GRID2: variants seen among roughly 807,000 people sequenced by gnomAD.
GRID2 encodes the protein glutamate ionotropic receptor delta type subunit 2.
In GRID2, 33 loss-of-function variants were observed where a neutral mutation model predicts 114.8. The ratio of observed to expected loss-of-function variants is 0.29; its 90% confidence interval spans 0.22 to 0.38. The LOEUF is 0.38. GRID2 is among the 10% of genes least tolerant of loss of function. The probability of loss-of-function intolerance (pLI) is 1.00; values close to 1 mark genes in which losing one functional copy is unlikely to be tolerated. For synonymous variants in GRID2, 505 were observed against 449.9 expected, an observed-to-expected ratio of 1.12 and a Z score of -1.55; for missense variants, 1,184 against 1,257.7, an observed-to-expected ratio of 0.94 and a Z score of 0.89.
At chr4:92,788,136 A>G (rs1370645588) in intron 2 of GRID2, among the ~76,000 whole-genome samples, 2 of 151,738 alleles carry the variant, frequency 1.3e-5, no homozygotes, top group African/African-American at 4.8e-5. Flanking sequence ...ATTGATGGAG[A>G]AGAGGGGAGA....
intron 14 of GRID2, among the ~76,000 whole-genome samples, chr4:93,690,591 G>A (rs1168985137): frequency 1.3e-5 from 2 of 151,818 alleles, no homozygotes; most frequent in Admixed American, 6.6e-5. Flanking sequence ...GAGGAAAATA[G>A]TAAACAATTG....
intron 8 of GRID2, among the ~76,000 whole-genome samples, chr4:93,331,114 T>G (rs1476026008): frequency 6.6e-6 from 1 of 151,182 alleles, no homozygotes; most frequent in Non-Finnish European, 1.5e-5. Context: ...CCTCAGTGCC[T>G]GCTGCTATCT....
chr4:93,034,352 G>A (rs898235695), intron 2 of GRID2, among the ~76,000 whole-genome samples: 3 of 152,104 alleles, frequency 2.0e-5, no homozygotes, highest in Admixed American at 6.6e-5. Context: ...AACCTTGTAC[G>A]TCAGCACCTT....
At chr4:93,324,211 A>G (rs1334974745) in intron 8 of GRID2, among the ~76,000 whole-genome samples, 1 of 152,140 alleles carries the variant, frequency 6.6e-6, no homozygotes, top group African/African-American at 2.4e-5. Flanking sequence ...TATTATTTTT[A>G]TATACATCCC....
chr4:92,475,458 T>C (rs549195349), intron 1 of GRID2, among the ~76,000 whole-genome samples: 1 of 151,908 alleles, frequency 6.6e-6, no homozygotes, highest in Non-Finnish European at 1.5e-5. Flanking sequence ...TGTTGACATC[T>C]TGGTCAAAAA....
At chr4:92,971,994 A>G (rs1753547769) in intron 2 of GRID2, among the ~76,000 whole-genome samples, 1 of 152,126 alleles carries the variant, frequency 6.6e-6, no homozygotes, top group Non-Finnish European at 1.5e-5. Context: ...TGCTGCAATT[A>G]AAAGGGGGGT....
chr4:92,580,366 A>C (rs1218437160), intron 1 of GRID2, among the ~76,000 whole-genome samples: 5 of 151,424 alleles, frequency 3.3e-5, no homozygotes, highest in Non-Finnish European at 7.4e-5. Flanking sequence ...GTTCAGAGTT[A>C]ATAAATTATG....
chr4:93,206,897 A>C (rs1464090794), intron 4 of GRID2, among the ~76,000 whole-genome samples: 1 of 152,130 alleles, frequency 6.6e-6, no homozygotes, highest in African/African-American at 2.4e-5. Flanking sequence ...CGTTACAAAC[A>C]TTTTCAGGAG....
intron 1 of GRID2, among the ~76,000 whole-genome samples, chr4:92,517,506 G>A (rs1434102019): frequency 6.6e-6 from 1 of 151,890 alleles, no homozygotes; most frequent in Non-Finnish European, 1.5e-5. Context: ...GTGTGAATGT[G>A]TATGTTGTTA....
At chr4:92,781,211 A>C (rs1201270483) in intron 2 of GRID2, among the ~76,000 whole-genome samples, 1 of 152,098 alleles carries the variant, frequency 6.6e-6, no homozygotes, top group Admixed American at 6.6e-5. Context: ...ACACCACTGC[A>C]CTCCAGCCTG....
chr4:93,683,643 T>C (rs1253235352), intron 14 of GRID2, among the ~76,000 whole-genome samples: 2 of 152,160 alleles, frequency 1.3e-5, no homozygotes, highest in East Asian at 1.9e-4. Context: ...GCAATTAGCA[T>C]TCCAGTGTTT....
intron 1 of GRID2, among the ~76,000 whole-genome samples, chr4:92,421,982 G>C (rs1237578676): frequency 6.6e-6 from 1 of 152,106 alleles, no homozygotes; most frequent in African/African-American, 2.4e-5. Flanking sequence ...ATGTCAAGCA[G>C]TGGAAGTTCA....
chr4:93,341,265 T>A (rs1202896167), intron 8 of GRID2, among the ~76,000 whole-genome samples: 1 of 152,110 alleles, frequency 6.6e-6, no homozygotes, highest in Non-Finnish European at 1.5e-5. Context: ...ATTTTGCTTA[T>A]TTCTAAAACT....
chr4:92,864,283 A>T (rs1296256488), intron 2 of GRID2, among the ~76,000 whole-genome samples: 1 of 152,200 alleles, frequency 6.6e-6, no homozygotes, highest in African/African-American at 2.4e-5. Flanking sequence ...TGGGAAAAGA[A>T]GTTCTTTTGG....
chr4:92,354,906 A>G (rs1378106912), intron 1 of GRID2, among the ~76,000 whole-genome samples: 1 of 151,930 alleles, frequency 6.6e-6, no homozygotes, highest in African/African-American at 2.4e-5. Context: ...TTATTACGCT[A>G]TCATTTAGAA....
chr4:93,125,082 A>T (rs947188611), intron 4 of GRID2, among the ~76,000 whole-genome samples: 1 of 152,022 alleles, frequency 6.6e-6, no homozygotes, highest in African/African-American at 2.4e-5. Context: ...GAGTATAGCC[A>T]AGATACCTAA....
intron 2 of GRID2, among the ~76,000 whole-genome samples, chr4:92,940,575 A>G (rs1445044136): frequency 2.0e-5 from 3 of 152,084 alleles, no homozygotes; most frequent in Non-Finnish European, 4.4e-5. Context: ...CCCCTGCCTA[A>G]TTGCCCTGGC....
At chr4:93,302,183 C>G (rs1754946573) in intron 8 of GRID2, among the ~76,000 whole-genome samples, 1 of 152,108 alleles carries the variant, frequency 6.6e-6, no homozygotes, top group African/African-American at 2.4e-5. Context: ...TTTCAATTCT[C>G]TTATCTTCGC....
At chr4:93,803,529 C>G (rs532920081) in intron 1 of GRID2, among the ~76,000 whole-genome samples, 1 of 152,192 alleles carries the variant, frequency 6.6e-6, no homozygotes, top group Non-Finnish European at 1.5e-5. Context: ...CGAGACCAAC[C>G]TGGCCAACAT....
Sources: gnomAD v4.1 joint callset for allele counts (sites outside exome capture counted in the v4.1 genomes callset) on GRCh38, gnomAD v4.1.1 for gene constraint, MANE v1.5 for transcripts, NCBI Gene and HGNC (gene_info 2026-07-23, HGNC 2026-07-21) for gene names.